Variants in AIF1L observed in about 807,000 individuals in gnomAD.
AIF1L encodes allograft inflammatory factor 1-like.
In AIF1L, 12 loss-of-function variants were observed where a neutral mutation model predicts 20.7. The ratio of observed to expected loss-of-function variants is 0.58; its 90% confidence interval spans 0.37 to 0.94. The LOEUF (loss-of-function observed/expected upper bound fraction) is 0.94, where lower values mean the gene tolerates loss of function less well. AIF1L is among the 40% of genes least tolerant of loss of function. The pLI is 0.01. For missense variants in AIF1L, 173 were observed against 185.3 expected, an observed-to-expected ratio of 0.93 and a Z score of 0.39; for synonymous variants, 76 against 65.1, an observed-to-expected ratio of 1.17 and a Z score of -0.81.
intron 2 of AIF1L, among the ~76,000 whole-genome samples, chr9:131,100,847 C>G (rs969799899): frequency 6.6e-6 from 1 of 152,206 alleles, no homozygotes; most frequent in Non-Finnish European, 1.5e-5. Flanking sequence ...AGGAGGCGCT[C>G]AGGGGACAGT....
rs1831105507 is a variant in AIF1L at position 131,120,255 on chromosome 9, A to T, written c.386A>T (p.Lys129Ile). The change falls in exon 6 of 6, where the codon AAA becomes ATA. Residue 129 changes from lysine to isoleucine, a missense_variant. Physicochemically the swap from Lys to Ile is moderately radical, Grantham distance 102 (BLOSUM62 -3). Coordinates refer to ENST00000247291, the MANE Select transcript of AIF1L (RefSeq NM_031426.4). Reference sequence around the variant, plus strand: ...ACCAGAGTCATGATGTTTGAAGGAAAAGCCAACGAGAGCAGCCCCAAGCCA... The same window carrying T: ...ACCAGAGTCATGATGTTTGAAGGAATAGCCAACGAGAGCAGCCCCAAGCCA... ...VLKLVMMFEGKANESSPKPVG... is the reference protein window; with the variant it reads ...VLKLVMMFEGIANESSPKPVG... 6.2e-7 allele frequency: 1 copy of T among 1,613,534 alleles called. No individual in the cohort carries two copies. Among genetic ancestry groups the T allele is most frequent in the Non-Finnish European group, 8.5e-7 (1 of 1,179,896 alleles).
chr9:131,099,380 G>A (rs1481108743), intron 2 of AIF1L, among the ~76,000 whole-genome samples: 1 of 152,256 alleles, frequency 6.6e-6, no homozygotes, highest in South Asian at 2.1e-4. Flanking sequence ...CTCTGTGTGA[G>A]AGTCTGAATT....
chr9:131,106,179 C>T (rs1830742431), intron 2 of AIF1L: 2 of 1,532,136 alleles, frequency 1.3e-6, no homozygotes, highest in Non-Finnish European at 1.7e-6. Flanking sequence ...ATACCCACTT[C>T]CTCCTCAGTA....
intron 2 of AIF1L, among the ~76,000 whole-genome samples, chr9:131,110,831 G>A (rs1039202662): frequency 5.3e-5 from 8 of 152,052 alleles, no homozygotes; most frequent in Non-Finnish European, 8.8e-5. Flanking sequence ...AACTCAAGAA[G>A]CAGATCATGA....
At chr9:131,106,469 G>A (rs1292609171) in intron 2 of AIF1L, among the ~76,000 whole-genome samples, 1 of 152,156 alleles carries the variant, frequency 6.6e-6, no homozygotes, top group Non-Finnish European at 1.5e-5. Flanking sequence ...CAGCTGAAGT[G>A]GGCAGGCAGC....
At chr9:131,108,490 C>T (rs976963217) in intron 2 of AIF1L, among the ~76,000 whole-genome samples, 1 of 152,070 alleles carries the variant, frequency 6.6e-6, no homozygotes, top group Middle Eastern at 3.2e-3. Context: ...GTGAGCCACT[C>T]ACTGCGTTTG....
At position 131,120,911 on chromosome 9, in the gene AIF1L, A is replaced by G. The variant is rs573921080; in HGVS notation, c.*589A>G. 5.8e-4 allele frequency: 292 copies of G among 499,670 alleles called. 1 individual carries two copies. The highest frequency in any genetic ancestry group is 8.7e-4 in the Non-Finnish European group (240 of 277,108). 31.0% of individuals were successfully genotyped at this position (499,670 alleles called of 1,614,324 possible). A position where few individuals can be genotyped will look rare whatever the true frequency, so the allele number is the denominator to read the frequency against. On this transcript the variant is annotated 3_prime_UTR_variant, in exon 6 of 6. Coordinates refer to ENST00000247291, the MANE Select transcript of AIF1L (RefSeq NM_031426.4). ...TCAGTGATGTGAAGGTGGGAAGGAA[A>G]GGAGCTTGGCATTGGGAGCCCTTCA...
At chr9:131,105,105 G>A (rs900727236) in intron 2 of AIF1L, among the ~76,000 whole-genome samples, 1 of 152,308 alleles carries the variant, frequency 6.6e-6, no homozygotes, top group Non-Finnish European at 1.5e-5. Context: ...CAGGGACGGG[G>A]GGAGGATGCC....
rs1010047903 is a variant in AIF1L at position 131,123,077 on chromosome 9, G to A, written c.*2755G>A. On this transcript the variant is annotated 3_prime_UTR_variant, in exon 6 of 6. Coordinates refer to ENST00000247291, the MANE Select transcript of AIF1L (RefSeq NM_031426.4). The stretch of plus-strand genomic sequence containing the variant: ...TCAGGTGGATGAAGTATGTGTGTGC[G>A]TGTGCATGGGAGTGTGCGTGGACTG... 3.3e-5 allele frequency: 5 copies of A among 152,542 alleles called. No individual in the cohort carries two copies. The highest frequency in any genetic ancestry group is 3.4e-3 in the Middle Eastern group (1 of 294). The allele number at this position is 152,542 out of a possible 1,614,324, so 9.4% of individuals were successfully genotyped here.
Position 131,117,814 on chromosome 9 carries a change from G to T in AIF1L, c.261G>T (p.Glu87Asp). The change falls in exon 5 of 6, where the codon GAG becomes GAT. Residue 87 changes from glutamate (E) to aspartate (D), a missense_variant. Physicochemically the swap from Glu to Asp is conservative, Grantham distance 45. Transcript: ENST00000247291. ...TTGGTGTCCCCAAGACCCACCTGGA[G>T]ATGAAGAAGATGATCTCAGAGGTGA... is the stretch of plus-strand genomic sequence containing the variant. ...EKLGVPKTHL[E>D]MKKMISEVTG... 6.2e-7 allele frequency: 1 copy of T among 1,614,144 alleles called. No individual in the cohort carries two copies. The highest frequency in any genetic ancestry group is 8.5e-7 in the Non-Finnish European group (1 of 1,180,022).
intron 2 of AIF1L, among the ~76,000 whole-genome samples, chr9:131,106,820 G>A (rs1161502342): frequency 1.3e-5 from 2 of 151,866 alleles, no homozygotes; most frequent in Non-Finnish European, 2.9e-5. Flanking sequence ...TTGAGGCTGG[G>A]TGTGGTGGCT....
chr9:131,100,361 G>T (rs1464552936), intron 2 of AIF1L, among the ~76,000 whole-genome samples: 1 of 152,188 alleles, frequency 6.6e-6, no homozygotes, highest in African/African-American at 2.4e-5. Flanking sequence ...TGAACACTTG[G>T]TATGTGCCCG....
chr9:131,115,039 G>A (rs1221453898), intron 4 of AIF1L, among the ~76,000 whole-genome samples: 1 of 152,222 alleles, frequency 6.6e-6, no homozygotes, highest in Admixed American at 6.5e-5. Context: ...GCATCCTGCT[G>A]TGCAGCTACT....
At chr9:131,099,002 G>A (rs950939613) in intron 2 of AIF1L, among the ~76,000 whole-genome samples, 16 of 152,148 alleles carry the variant, frequency 1.1e-4, no homozygotes, top group African/African-American at 3.6e-4. Flanking sequence ...GGAGCAGGGT[G>A]GCCCCACCAG....
intron 2 of AIF1L, among the ~76,000 whole-genome samples, chr9:131,104,727 G>A (rs1830707504): frequency 6.6e-6 from 1 of 152,090 alleles, no homozygotes; most frequent in East Asian, 1.9e-4. Context: ...ATAATAAACA[G>A]CTAACATTTA....
chr9:131,119,735 G>A (rs993216281), intron 5 of AIF1L, among the ~76,000 whole-genome samples: 6 of 152,288 alleles, frequency 3.9e-5, no homozygotes, highest in African/African-American at 1.4e-4. Flanking sequence ...GAGGTCAAGT[G>A]TCTTGCTTGA....
At chr9:131,111,434 T>G in intron 2 of AIF1L, 163 bp from the exon 3 acceptor site, 1 of 684,620 alleles carries the variant, frequency 1.5e-6, no homozygotes, top group Non-Finnish European at 2.6e-6. Context: ...CCAGTGCAGA[T>G]CTGCCTCCAA....
intron 3 of AIF1L, among the ~76,000 whole-genome samples, chr9:131,112,842 C>T (rs1443565114): frequency 6.6e-6 from 1 of 152,150 alleles, no homozygotes; most frequent in African/African-American, 2.4e-5. Context: ...TGCATACCAG[C>T]GTGGCCACTC....
chr9:131,097,601 A>G (rs1830556260), intron 2 of AIF1L, among the ~76,000 whole-genome samples: 1 of 152,228 alleles, frequency 6.6e-6, no homozygotes, highest in African/African-American at 2.4e-5. Context: ...TGTTGTTGCC[A>G]GGCATCCAGT....
Sources: allele counts gnomAD v4.1 joint callset (sites outside exome capture counted in the v4.1 genomes callset), GRCh38; gene constraint gnomAD v4.1.1; transcripts MANE v1.5; gene names NCBI Gene and HGNC (gene_info 2026-07-23, HGNC 2026-07-21).